Variants in GABRR3 observed in about 807,000 individuals in gnomAD.
GABRR3 encodes gamma-aminobutyric acid receptor subunit rho-3.
GABRR3 carries 29 observed loss-of-function variants against 43.2 expected under a neutral mutation model. That is an observed-to-expected ratio of 0.67 (90% CI 0.50 to 0.92). The LOEUF is 0.92. Among genes scored for constraint, GABRR3 ranks in the 40% least tolerant of loss-of-function variants. The pLI, the probability that GABRR3 is intolerant of heterozygous loss-of-function variation, is 0.00. For missense variants in GABRR3, 576 were observed against 572.3 expected (o/e 1.01, Z -0.07); for synonymous variants, 206 against 195.9 (o/e 1.05, Z -0.43).
At chr3:98,002,977 C>T (rs186018590) in intron 7 of GABRR3, among the ~76,000 whole-genome samples, 1 of 152,214 alleles carries the variant, frequency 6.6e-6, no homozygotes, top group African/African-American at 2.4e-5. Context: ...TCTTAGAATC[C>T]TATTCTCAAT....
In GABRR3 at chr3:98,007,995, T is replaced by C. The variant is rs1706743984; in HGVS notation, c.614-91A>G. ...CCATGTCTTATGTGGCTCTGTATCCTTAGTGCCTACTCCAATGACATGTAC... is the reference window on the plus strand; with the variant it reads ...CCATGTCTTATGTGGCTCTGTATCCCTAGTGCCTACTCCAATGACATGTAC... On this transcript the variant is annotated intron_variant, in intron 6 of 9. Transcript: ENST00000621172. 9 of 1,039,356 alleles carry C rather than the reference T, an allele frequency of 8.7e-6. No individual in the cohort carries two copies. In the South Asian group the frequency reaches 1.2e-4, roughly 14 times the overall value. The allele number at this position is 1,039,356 out of a possible 1,614,324, so 64.4% of individuals were successfully genotyped here.
intron 2 of GABRR3, among the ~76,000 whole-genome samples, chr3:98,034,433 T>C (rs562875637): frequency 2.6e-4 from 39 of 152,150 alleles, no homozygotes; most frequent in Non-Finnish European, 5.0e-4. Context: ...CTTTTGATAC[T>C]ATTTCATCAA....
intron 8 of GABRR3, chr3:97,999,993 A>C (rs1323425003): frequency 6.6e-6 from 1 of 152,088 alleles, no homozygotes; most frequent in Non-Finnish European, 1.5e-5. Flanking sequence ...GCATTTGCAA[A>C]GAGCTAGGGA....
intron 9 of GABRR3, among the ~76,000 whole-genome samples, chr3:97,990,703 G>A (rs1425559014): frequency 6.6e-6 from 1 of 152,092 alleles, no homozygotes. Context: ...GATATGAATG[G>A]CAAATAGGAC....
intron 5 of GABRR3, among the ~76,000 whole-genome samples, chr3:98,011,305 A>G (rs1224537811): frequency 2.0e-5 from 3 of 152,212 alleles, no homozygotes; most frequent in Non-Finnish European, 2.9e-5. Context: ...TACAACAGAA[A>G]TTTATTCTCT....
At chr3:98,035,117 G>C (rs1707135747) in intron 1 of GABRR3, 73 bp downstream of exon 1, 7 of 1,128,442 alleles carry the variant, frequency 6.2e-6, no homozygotes, top group Non-Finnish European at 8.6e-6. Context: ...GAAAAAGAAA[G>C]ACATTGTCTT....
intron 8 of GABRR3, among the ~76,000 whole-genome samples, chr3:97,996,278 A>G (rs1706552447): frequency 6.6e-6 from 1 of 152,212 alleles, no homozygotes; most frequent in Non-Finnish European, 1.5e-5. Context: ...CGAAAATATT[A>G]CATGATATGA....
At chr3:97,985,335 C>T (rs1316721860), downstream of GABRR3, among the ~76,000 whole-genome samples, 2 of 152,114 alleles carry the variant, frequency 1.3e-5, no homozygotes, top group Non-Finnish European at 2.9e-5. Context: ...TTGGTTCGAC[C>T]AAAGATATTA....
chr3:97,991,082 CGTT>C (rs1426870219), intron 9 of GABRR3, among the ~76,000 whole-genome samples: 1 of 152,114 alleles, frequency 6.6e-6, no homozygotes, highest in Non-Finnish European at 1.5e-5. Context: ...AGTGAACACA[CGTT>C]GTGTGGCAGG....
intron 8 of GABRR3, chr3:97,997,939 T>C (rs1008040874): frequency 1.3e-5 from 2 of 152,210 alleles, no homozygotes; most frequent in African/African-American, 2.4e-5. Flanking sequence ...TTCATGGAGC[T>C]AAATTTGCAA....
At chr3:98,007,320 T>G (rs546593266) in intron 7 of GABRR3, among the ~76,000 whole-genome samples, 19 of 151,892 alleles carry the variant, frequency 1.3e-4, no homozygotes, top group Non-Finnish European at 2.6e-4. Context: ...GCCCTGTAGA[T>G]GGAATGAGGC....
At chr3:98,018,450 T>C (rs895039662) in intron 3 of GABRR3, among the ~76,000 whole-genome samples, 1 of 152,178 alleles carries the variant, frequency 6.6e-6, no homozygotes, top group Non-Finnish European at 1.5e-5. Context: ...CTGACACTTG[T>C]ACAGTTGAGT....
chr3:98,010,859 G>C (rs1259693500), intron 5 of GABRR3, among the ~76,000 whole-genome samples: 2 of 152,178 alleles, frequency 1.3e-5, no homozygotes, highest in Non-Finnish European at 2.9e-5. Flanking sequence ...CAGTACTTTG[G>C]GGGGCCGAGG....
intron 2 of GABRR3, among the ~76,000 whole-genome samples, chr3:98,030,742 C>T (rs947727669): frequency 8.5e-5 from 13 of 152,168 alleles, no homozygotes; most frequent in African/African-American, 2.4e-4. Flanking sequence ...ATAACATGGA[C>T]GTTTTTCTCA....
chr3:97,986,466 A>T (rs1423737300), downstream of GABRR3, among the ~76,000 whole-genome samples: 1 of 152,268 alleles, frequency 6.6e-6, no homozygotes, highest in South Asian at 2.1e-4. Context: ...TGTTTTTCCC[A>T]TAATACACAT....
chr3:97,996,109 C>T (rs1479504226), intron 8 of GABRR3, among the ~76,000 whole-genome samples: 1 of 152,106 alleles, frequency 6.6e-6, no homozygotes, highest in Non-Finnish European at 1.5e-5. Flanking sequence ...GTTTTGTTGA[C>T]TGATATGATA....
At chr3:98,022,558 A>G (rs71311341) in intron 3 of GABRR3, among the ~76,000 whole-genome samples, 1,968 of 152,334 alleles carry the variant, frequency 0.013, 11 homozygotes, top group Non-Finnish European at 0.019. Flanking sequence ...GAAGGCAGCC[A>G]TGAGAACAGA....
intron 3 of GABRR3, among the ~76,000 whole-genome samples, chr3:98,019,943 T>C (rs1706918363): frequency 6.6e-6 from 1 of 152,230 alleles, no homozygotes; most frequent in Non-Finnish European, 1.5e-5. Context: ...TATTATTCCT[T>C]CATAGGGTTT....
At chr3:98,002,542 C>T (rs995704151) in intron 7 of GABRR3, among the ~76,000 whole-genome samples, 1 of 152,152 alleles carries the variant, frequency 6.6e-6, no homozygotes, top group Non-Finnish European at 1.5e-5. Context: ...TGACCACATA[C>T]ACATACCAGG....
Sources: gnomAD v4.1 joint callset for allele counts (sites outside exome capture counted in the v4.1 genomes callset) on GRCh38, gnomAD v4.1.1 for gene constraint, MANE v1.5 for transcripts, NCBI Gene and HGNC (gene_info 2026-07-23, HGNC 2026-07-21) for gene names.